Variants in ITGA2 observed in about 807,000 individuals in gnomAD.
ITGA2 encodes integrin subunit alpha 2.
In ITGA2, 101 loss-of-function variants were observed where a neutral mutation model predicts 146.3. The observed-to-expected ratio is 0.69, with a 90% CI of 0.59 to 0.81. The LOEUF (loss-of-function observed/expected upper bound fraction) is 0.81. ITGA2 is among the 40% of genes least tolerant of loss of function. ITGA2 has a pLI of 0.00. For synonymous variants in ITGA2, 477 were observed against 487.1 expected (o/e 0.98, Z 0.27); for missense variants, 1,281 against 1,402.7 (o/e 0.91, Z 1.39).
intron 6 of ITGA2, among the ~76,000 whole-genome samples, chr5:53,048,985 C>T (rs1442329281): frequency 1.3e-5 from 2 of 151,594 alleles, no homozygotes; most frequent in African/African-American, 4.9e-5. Context: ...CTATTTCTGA[C>T]ACAAGCATTA....
At chr5:53,078,371 C>A (rs897637939) in intron 23 of ITGA2, among the ~76,000 whole-genome samples, 2 of 152,038 alleles carry the variant, frequency 1.3e-5, no homozygotes, top group Non-Finnish European at 2.9e-5. Flanking sequence ...AAGTGAAAAC[C>A]CCTGGCTTAT....
intron 27 of ITGA2, among the ~76,000 whole-genome samples, chr5:53,085,294 C>CAATTA (rs1445149966): frequency 5.1e-4 from 78 of 152,316 alleles, no homozygotes; most frequent in Admixed American, 4.4e-3. Context: ...GATCAGGGCT[C>CAATTA]CAAATTGATG....
At chr5:53,074,532 TA>T in intron 21 of ITGA2, 55 bp downstream of exon 21, 2 of 1,307,140 alleles carry the variant, frequency 1.5e-6, no homozygotes, top group Non-Finnish European at 2.2e-6. Context: ...GCACATATGC[TA>T]ATTTACCAAC....
At chr5:53,046,550 A>C (rs1194015394) in intron 4 of ITGA2, among the ~76,000 whole-genome samples, 1 of 151,950 alleles carries the variant, frequency 6.6e-6, no homozygotes, top group Non-Finnish European at 1.5e-5. Context: ...TTAAAAAAAG[A>C]ACATACTGAT....
At chr5:53,004,886 G>GTTGCT (rs1185414343) in intron 1 of ITGA2, among the ~76,000 whole-genome samples, 2 of 94,010 alleles carry the variant, frequency 2.1e-5, no homozygotes, top group African/African-American at 9.9e-5. Flanking sequence ...TCTAAGTTTA[G>GTTGCT]TTGCTTTGTT....
intron 28 of ITGA2, among the ~76,000 whole-genome samples, chr5:53,089,635 T>G (rs1200333315): frequency 1.3e-5 from 2 of 152,230 alleles, no homozygotes; most frequent in Non-Finnish European, 2.9e-5. Flanking sequence ...TTTGAATGTA[T>G]GCCAGAAATG....
Position 53,048,702 on chromosome 5 carries a change from T to A in ITGA2, c.562T>A (p.Trp188Arg). The stretch of plus-strand genomic sequence containing the variant: ...TGATGAATCAAATAGTATTTATCCT[T>A]GGGATGCAGTAAAGAATTTTTTGGA... ...VCDESNSIYP[W>R]DAVKNFLEKF... Residue 188 changes from tryptophan to arginine, a missense_variant, in exon 6 of 30, where the codon TGG becomes AGG. By Grantham distance (101) the Trp-to-Arg change is moderately radical. Coordinates refer to ENST00000296585, the MANE Select transcript of ITGA2 (RefSeq NM_002203.4). 6.2e-7 allele frequency: 1 copy of A among 1,614,078 alleles called. No homozygotes were observed.
chr5:53,015,778 G>A (rs1440302457), intron 1 of ITGA2, among the ~76,000 whole-genome samples: 3 of 151,938 alleles, frequency 2.0e-5, no homozygotes, highest in Non-Finnish European at 4.4e-5. Flanking sequence ...CCCTATTTTG[G>A]GTGCATACGT....
chr5:53,083,134 G>T (rs968188038), intron 26 of ITGA2, among the ~76,000 whole-genome samples: 1 of 152,120 alleles, frequency 6.6e-6, no homozygotes, highest in African/African-American at 2.4e-5. Flanking sequence ...ATGGGGTAAA[G>T]AGTGTGCACT....
At position 53,055,583 on chromosome 5, in the gene ITGA2, G is replaced by A. The variant is rs1062535; in HGVS notation, c.825G>A (p.Thr275=). Residue 275 remains threonine, a synonymous_variant, in exon 8 of 30, where the codon ACG becomes ACA. Coordinates refer to ENST00000296585, the MANE Select transcript of ITGA2 (RefSeq NM_002203.4). ...CTTCTGGTGGGCGACGAAGTGCTAC[G>A]AAAGTAATGGTAGTTGTAACTGACG... The part of the protein sequence containing the change: ...SAASGGRRSA[T]KVMVVVTDGE... The A allele has an allele frequency of 0.39, 635,247 of 1,612,484 alleles. 126,459 individuals carry two copies. Among genetic ancestry groups the A allele is most frequent in the Admixed American group, 0.45 (26,804 of 59,894 alleles).
At chr5:53,073,577 C>T (rs1470466829) in intron 20 of ITGA2, among the ~76,000 whole-genome samples, 1 of 151,878 alleles carries the variant, frequency 6.6e-6, no homozygotes, top group East Asian at 1.9e-4. Flanking sequence ...TGCTCTGAGA[C>T]ATTTGAGTCC....
chr5:53,059,047 T>C (rs1744783560), intron 10 of ITGA2, among the ~76,000 whole-genome samples: 1 of 151,946 alleles, frequency 6.6e-6, no homozygotes, highest in South Asian at 2.1e-4. Flanking sequence ...CTATTTTTCA[T>C]GGCTTGTATT....
intron 15 of ITGA2, 59 bp from the exon 16 acceptor site, chr5:53,067,059 A>G: frequency 6.4e-7 from 1 of 1,560,342 alleles, no homozygotes. Context: ...ATGATAAAGG[A>G]TATAATACGT....
intron 1 of ITGA2, among the ~76,000 whole-genome samples, chr5:53,014,583 G>T (rs1445252246): frequency 6.6e-6 from 1 of 152,106 alleles, no homozygotes. Flanking sequence ...TCTCTACCAG[G>T]ATTTGGTATT....
In ITGA2 at chr5:53,091,829, GGATGTAAAC is replaced by G. The variant is rs1361018085; in HGVS notation, c.*1231_*1239del. On this transcript the variant is annotated 3_prime_UTR_variant, in exon 30 of 30. Coordinates refer to ENST00000296585, the MANE Select transcript of ITGA2 (RefSeq NM_002203.4). ...AATTTCTAAATGTTGGAATGTTATG[GGATGTAAAC>G]AATGTAAAGTAAGACATCTCAGGAT... 2 of 152,180 alleles carry G rather than the reference GGATGTAAAC, an allele frequency of 1.3e-5. No individual in the cohort carries two copies. The highest frequency in any genetic ancestry group is 2.9e-5 in the Non-Finnish European group (2 of 68,032). 9.4% of individuals were successfully genotyped at this position (152,180 alleles called of 1,614,324 possible).
At chr5:53,000,885 C>CTTTTTTTTTTTT (rs1741543458) in intron 1 of ITGA2, among the ~76,000 whole-genome samples, 1 of 116,440 alleles carries the variant, frequency 8.6e-6, no homozygotes, top group Non-Finnish European at 1.8e-5. Flanking sequence ...TCTTTTTTTT[C>CTTTTTTTTTTTT]TTTTTCTTTT....
intron 1 of ITGA2, among the ~76,000 whole-genome samples, chr5:53,019,750 T>A (rs1258026962): frequency 6.6e-6 from 1 of 152,178 alleles, no homozygotes; most frequent in African/African-American, 2.4e-5. Flanking sequence ...GGTCTTGAAC[T>A]CCTTACCTCA....
chr5:53,019,208 A>T (rs1293280351), intron 1 of ITGA2, among the ~76,000 whole-genome samples: 5 of 152,238 alleles, frequency 3.3e-5, no homozygotes, highest in African/African-American at 9.6e-5. Flanking sequence ...TTATTGAACC[A>T]CAAAGGATAA....
At chr5:53,071,534 G>A (rs1162976157) in intron 17 of ITGA2, among the ~76,000 whole-genome samples, 1 of 151,808 alleles carries the variant, frequency 6.6e-6, no homozygotes, top group Non-Finnish European at 1.5e-5. Flanking sequence ...ACTTCTGGGA[G>A]GCCCCCAAGA....
Sources: gnomAD v4.1 joint callset for allele counts (sites outside exome capture counted in the v4.1 genomes callset) on GRCh38, gnomAD v4.1.1 for gene constraint, MANE v1.5 for transcripts, NCBI Gene and HGNC (gene_info 2026-07-23, HGNC 2026-07-21) for gene names.